The following MT4 variants were observed in gnomAD, a reference collection of about 807,000 sequenced individuals.
MT4 encodes metallothionein-4.
Under a neutral mutation model 9.5 loss-of-function variants are expected in MT4, and 11 were observed. That is an observed-to-expected ratio of 1.16 (90% CI 0.73 to 1.92). MT4 has a LOEUF of 1.92. Ranked by LOEUF, MT4 falls within the 30% of genes most tolerant of loss-of-function variation. The pLI, the probability that MT4 is intolerant of heterozygous loss-of-function variation, is 0.00. For missense variants in MT4, 88 were observed against 78.7 expected, an observed-to-expected ratio of 1.12 and a Z score of -0.45; for synonymous variants, 29 against 24.6, an observed-to-expected ratio of 1.18 and a Z score of -0.53.
chr16:56,566,726 GAAAGAAAGAAAGAAA>G (rs747954655), intron 1 of MT4, among the ~76,000 whole-genome samples: 8,889 of 46,216 alleles, frequency 0.19, 577 homozygotes, highest in Non-Finnish European at 0.26. Flanking sequence ...AAGAAAGAAA[GAAAGAAAGAAAGAAA>G]GAAAGAAGGA....
intron 1 of MT4, 129 bp downstream of exon 1, chr16:56,565,288 C>T (rs991438308): frequency 1.4e-5 from 14 of 980,934 alleles, no homozygotes; most frequent in East Asian, 5.9e-5. Flanking sequence ...TCCTGGGAGC[C>T]GACAGGTGGA....
chr16:56,566,561 A>AGAGAAAGG (rs758273827), intron 1 of MT4, among the ~76,000 whole-genome samples: 4 of 148,330 alleles, frequency 2.7e-5, no homozygotes, highest in East Asian at 2.0e-4. Flanking sequence ...AAACAAGGAG[A>AGAGAAAGG]GAGAAAGGGA....
At chr16:56,568,266 AG>A (rs1959574408) in intron 2 of MT4, among the ~76,000 whole-genome samples, 2 of 90,924 alleles carry the variant, frequency 2.2e-5, no homozygotes, top group African/African-American at 9.8e-5. Flanking sequence ...AAAGAGAGAG[AG>A]AGAGAGAAAG....
At chr16:56,568,233 A>AG in intron 2 of MT4, among the ~76,000 whole-genome samples, 1 of 29,964 alleles carries the variant, frequency 3.3e-5, no homozygotes, top group East Asian at 7.8e-4. Context: ...GAAAGAAAGA[A>AG]AGAAAGAAAG....
At chr16:56,566,879 GAAGA>G (rs1959544037) in intron 1 of MT4, among the ~76,000 whole-genome samples, 2 of 150,466 alleles carry the variant, frequency 1.3e-5, no homozygotes, top group South Asian at 2.1e-4. Flanking sequence ...AGGAAGGAAG[GAAGA>G]AAGGAAAGGA....
intron 1 of MT4, among the ~76,000 whole-genome samples, chr16:56,565,514 G>T (rs878864196): frequency 1.3e-5 from 2 of 152,210 alleles, no homozygotes; most frequent in Non-Finnish European, 2.9e-5. Context: ...CCTCCCTGGC[G>T]CTTATTCTTT....
intron 2 of MT4, 52 bp downstream of exon 2, chr16:56,567,868 C>A: frequency 2.0e-6 from 3 of 1,508,170 alleles, no homozygotes; most frequent in East Asian, 2.3e-5. Context: ...AAAGTCCAAT[C>A]CAGGCCAGGT....
chr16:56,568,199 G>GGA (rs1348182196), intron 2 of MT4, among the ~76,000 whole-genome samples: 654 of 54,878 alleles, frequency 0.012, 27 homozygotes, highest in Non-Finnish European at 8.2e-3. Flanking sequence ...AAGGAAGGAA[G>GGA]AGAGAGAGAG....
rs1567330519 is a variant in MT4, at chr16:56,568,228, A to T, written c.97+412A>T. On this transcript the variant is annotated intron_variant, in intron 2 of 2. Transcript: ENST00000219162. ...GAGAGAGAGAGAGAAAGAAAGAAAGAAAGAAAGAAAGAAAGAAAGAAAGAA... is the reference window on the plus strand; with the variant it reads ...GAGAGAGAGAGAGAAAGAAAGAAAGTAAGAAAGAAAGAAAGAAAGAAAGAA... Among the ~76,000 whole-genome samples the T allele has an allele frequency of 7.1e-5, 2 of 28,236 alleles. 1 individual carries two copies. The highest frequency in any genetic ancestry group is 1.7e-4 in the Non-Finnish European group (2 of 11,844). 18.5% of individuals were successfully genotyped at this position (28,236 alleles called of 152,430 possible). A position where few individuals can be genotyped will look rare whatever the true frequency, so the allele number is the denominator to read the frequency against.
chr16:56,566,782 G>C (rs1959532846), intron 1 of MT4, among the ~76,000 whole-genome samples: 1 of 28,452 alleles, frequency 3.5e-5, no homozygotes, highest in African/African-American at 7.5e-5. Context: ...AAGAAAGAAA[G>C]AAAGAAAGAA....
At position 56,565,122 on chromosome 16, in the gene MT4, C is replaced by G; in HGVS notation, c.-7C>G. The stretch of plus-strand genomic sequence containing the variant: ...GACAGCACTGGAGCCTTTCGGACAC[C>G]TGGACCATGGACCCCAGGGAATGTG... On this transcript the variant is annotated 5_prime_UTR_variant, in exon 1 of 3. Coordinates refer to ENST00000219162, the MANE Select transcript of MT4 (RefSeq NM_032935.3). The G allele has an allele frequency of 6.2e-7, 1 of 1,613,348 alleles. No homozygotes were observed. The highest frequency in any genetic ancestry group is 8.5e-7 in the Non-Finnish European group (1 of 1,179,678).
At chr16:56,566,751 A>C (rs1959529884) in intron 1 of MT4, among the ~76,000 whole-genome samples, 1 of 71,516 alleles carries the variant, frequency 1.4e-5, no homozygotes. Flanking sequence ...AGAAAGAAGG[A>C]AGGAAGGAAG....
intron 2 of MT4, among the ~76,000 whole-genome samples, 166 bp from the exon 3 acceptor site, chr16:56,568,675 C>T (rs1445387927): frequency 6.6e-6 from 1 of 152,156 alleles, no homozygotes; most frequent in Non-Finnish European, 1.5e-5. Context: ...GGGATCCCTT[C>T]CAGTTCTAAC....
At chr16:56,566,728 AAGAAAG>A (rs1407835678) in intron 1 of MT4, among the ~76,000 whole-genome samples, 5 of 21,064 alleles carry the variant, frequency 2.4e-4, no homozygotes, top group Non-Finnish European at 7.2e-4. Context: ...GAAAGAAAGA[AAGAAAG>A]AAAGAAAGAA....
chr16:56,567,529 A>G (rs1959551153), intron 1 of MT4, among the ~76,000 whole-genome samples: 1 of 152,124 alleles, frequency 6.6e-6, no homozygotes, highest in Non-Finnish European at 1.5e-5. Flanking sequence ...CCCAGGCATG[A>G]TTGATGCAGC....
intron 2 of MT4, among the ~76,000 whole-genome samples, chr16:56,568,259 G>A (rs1959573254): frequency 4.3e-4 from 31 of 71,330 alleles, no homozygotes; most frequent in Non-Finnish European, 5.5e-4. Flanking sequence ...AAGAAAGAAA[G>A]AGAGAGAGAG....
At chr16:56,566,165 C>A (rs1019759236) in intron 1 of MT4, among the ~76,000 whole-genome samples, 1 of 152,086 alleles carries the variant, frequency 6.6e-6, no homozygotes, top group African/African-American at 2.4e-5. Flanking sequence ...GCAAAAGAGG[C>A]AGAAGCTTCC....
chr16:56,566,914 G>A (rs1456644110), intron 1 of MT4, among the ~76,000 whole-genome samples: 10 of 152,166 alleles, frequency 6.6e-5, no homozygotes, highest in African/African-American at 2.2e-4. Flanking sequence ...AAAACAAGGT[G>A]TGGCTCTGTG....
chr16:56,568,269 GAGAGAAAGAA>G (rs1959574845), intron 2 of MT4, among the ~76,000 whole-genome samples: 15 of 84,570 alleles, frequency 1.8e-4, no homozygotes, highest in African/African-American at 8.6e-4. Context: ...GAGAGAGAGA[GAGAGAAAGAA>G]AGAAAGAAAG....
Sources: gnomAD v4.1 joint callset for allele counts (sites outside exome capture counted in the v4.1 genomes callset) on GRCh38, gnomAD v4.1.1 for gene constraint, MANE v1.5 for transcripts, NCBI Gene and HGNC (gene_info 2026-07-23, HGNC 2026-07-21) for gene names.